Variants in AP1M1 observed in about 807,000 individuals in gnomAD.
AP1M1 encodes adaptor related protein complex 1 subunit mu 1.
In AP1M1, 18 loss-of-function variants were observed where a neutral mutation model predicts 57.1. That is an observed-to-expected ratio of 0.32 (90% CI 0.22 to 0.47). The LOEUF is 0.47. Ranked by LOEUF, AP1M1 falls within the 20% of genes least tolerant of loss-of-function variation. The pLI, the probability that AP1M1 is intolerant of heterozygous loss-of-function variation, is 1.00. For missense variants in AP1M1, 362 were observed against 593.5 expected, an observed-to-expected ratio of 0.61 and a Z score of 4.05; for synonymous variants, 241 against 237.9, an observed-to-expected ratio of 1.01 and a Z score of -0.12.
At chr19:16,214,174 G>A (rs1408348737) in intron 5 of AP1M1, among the ~76,000 whole-genome samples, 38 of 150,224 alleles carry the variant, frequency 2.5e-4, no homozygotes, top group African/African-American at 8.1e-4. Flanking sequence ...TCAGCCTCCC[G>A]AGTAGCTGGG....
chr19:16,215,198 G>GGT (rs2091512789), intron 5 of AP1M1, among the ~76,000 whole-genome samples: 1 of 26,724 alleles, frequency 3.7e-5, no homozygotes, highest in African/African-American at 7.8e-5. Flanking sequence ...CTAAGGCGGG[G>GGT]GCGGGGGGGG....
At chr19:16,213,667 A>G (rs2091505218) in intron 5 of AP1M1, among the ~76,000 whole-genome samples, 1 of 151,872 alleles carries the variant, frequency 6.6e-6, no homozygotes, top group Non-Finnish European at 1.5e-5. Context: ...GCGGTTTTCT[A>G]TTTTTAGTAG....
In AP1M1 at chr19:16,228,775, A is replaced by G. The variant is rs1568355127; in HGVS notation, c.894A>G (p.Lys298=). 6.2e-7 allele frequency: 1 copy of G among 1,613,776 alleles called. No homozygotes were observed. Among genetic ancestry groups the G allele is most frequent in the Admixed American group, 1.7e-5 (1 of 59,994 alleles). ...HSRIEYMIKA[K]SQFKRRSTAN... is the part of the protein sequence containing the mutation. ...CGCATTGGCCTGGCCTGCAGGCCAAAAGCCAGTTCAAGCGGCGGTCAACAG... is the reference window on the plus strand; with the variant it reads ...CGCATTGGCCTGGCCTGCAGGCCAAGAGCCAGTTCAAGCGGCGGTCAACAG... The change falls in exon 9 of 12, where the codon AAA becomes AAG. Residue 298 remains lysine, a synonymous_variant. Coordinates refer to ENST00000291439, the MANE Select transcript of AP1M1 (RefSeq NM_032493.4). The surrounding 1 kb of genome is among the most constrained non-coding windows in gnomAD (Gnocchi z 5.0).
intron 1 of AP1M1, 122 bp downstream of exon 1, chr19:16,198,190 C>A: frequency 9.2e-7 from 1 of 1,086,042 alleles, no homozygotes. Flanking sequence ...GGCAGAGAGG[C>A]CGGTAGACCT....
chr19:16,208,932 C>G, intron 4 of AP1M1, 98 bp from the exon 5 acceptor site: 1 of 1,465,104 alleles, frequency 6.8e-7, no homozygotes, highest in Non-Finnish European at 9.2e-7. Flanking sequence ...CAGAACCTGC[C>G]CTGTACCCCC....
intron 5 of AP1M1, among the ~76,000 whole-genome samples, chr19:16,226,155 G>A (rs1264531538): frequency 6.6e-6 from 1 of 152,206 alleles, no homozygotes; most frequent in Non-Finnish European, 1.5e-5. Flanking sequence ...AGGACCCACA[G>A]TGTCCACCTC....
intron 5 of AP1M1, among the ~76,000 whole-genome samples, chr19:16,216,301 C>T (rs898810505): frequency 5.3e-5 from 8 of 152,114 alleles, no homozygotes; most frequent in Non-Finnish European, 7.4e-5. Flanking sequence ...AAAAATTAGC[C>T]GGGTGTGGTG....
At position 16,222,205 on chromosome 19, in the gene AP1M1, A is replaced by ATTT. The variant is rs1213761084; in HGVS notation, c.547-4214_547-4213insTTT. 6.6e-5 allele frequency among the ~76,000 whole-genome samples: 4 copies of ATTT among 60,408 alleles called. 1 individual carries two copies. Among genetic ancestry groups the ATTT allele is most frequent in the African/African-American group, 1.2e-4 (3 of 24,404 alleles). 39.6% of individuals were successfully genotyped at this position (60,408 alleles called of 152,430 possible). A position where few individuals can be genotyped will look rare whatever the true frequency, so the allele number is the denominator to read the frequency against. On this transcript the variant is annotated intron_variant, in intron 5 of 11. Coordinates refer to ENST00000291439, the MANE Select transcript of AP1M1 (RefSeq NM_032493.4). ...TGTTATTATTATTATTACTATTATT[A>ATTT]TTATTATTTTTTTTTTTTTTGAGAT...
chr19:16,215,204 G>T lies in AP1M1; in HGVS notation c.546+6027G>T, dbSNP rs1296329554. On this transcript the variant is annotated intron_variant, in intron 5 of 11. Transcript: ENST00000291439. ...TTTGGGAGGCTAAGGCGGGGGCGGGGGGGGGGGAGAGGGGGGAGGGGGGAG... is the reference window on the plus strand; with the variant it reads ...TTTGGGAGGCTAAGGCGGGGGCGGGTGGGGGGGAGAGGGGGGAGGGGGGAG... Among the ~76,000 whole-genome samples, 4 of 50,932 alleles carry T rather than the reference G, an allele frequency of 7.9e-5. 2 individuals carry two copies. Among genetic ancestry groups the T allele is most frequent in the East Asian group, 1.4e-3 (2 of 1,422 alleles). The allele number at this position is 50,932 out of a possible 152,430, so 33.4% of individuals were successfully genotyped here. A position where few individuals can be genotyped will look rare whatever the true frequency, so the allele number is the denominator to read the frequency against.
chr19:16,200,775 C>G lies in AP1M1; in HGVS notation c.43-2684C>G, dbSNP rs76183092. 1.9e-3 allele frequency among the ~76,000 whole-genome samples: 294 copies of G among 152,358 alleles called. 1 individual carries two copies. Among genetic ancestry groups the G allele is most frequent in the African/African-American group, 6.9e-3 (285 of 41,584 alleles). ...CTGACACCACTAACCACCTCCTCTT[C>G]AGTGCTCCCTTCCGCTTCCAGGAGG... On this transcript the variant is annotated intron_variant, in intron 1 of 11. Transcript: ENST00000291439.
rs138937677 is a variant in AP1M1, at chr19:16,203,767, C to G, written c.199+152C>G. The stretch of plus-strand genomic sequence containing the variant: ...TGGAGCTCCCTGCTGCCTGCGGAGA[C>G]AGGCAGACAATGCACGATGACATGT... On this transcript the variant is annotated intron_variant, in intron 2 of 11. Transcript: ENST00000291439. The surrounding 1 kb of genome is among the most constrained non-coding windows in gnomAD (Gnocchi z 4.6). 1.2e-5 allele frequency: 9 copies of G among 779,878 alleles called. No individual in the cohort carries two copies. The allele number at this position is 779,878 out of a possible 1,614,324, so 48.3% of individuals were successfully genotyped here.
Position 16,203,628 on chromosome 19 carries a change from T to TG in AP1M1, c.199+18dup. The TG allele has an allele frequency of 6.3e-7, 1 of 1,593,464 alleles. No individual in the cohort carries two copies. Among genetic ancestry groups the TG allele is most frequent in the Middle Eastern group, 1.7e-4 (1 of 5,958 alleles). ...AACAACCTGTATCGTATCCCTTTGC[T>TG]GGGGGTGCTCCCAGGGGACTCCTGT... On this transcript the variant is annotated intron_variant, in intron 2 of 11. Transcript: ENST00000291439. This position sits in a 1 kb window ranked among gnomAD's most constrained non-coding sequence, Gnocchi z 4.6.
At position 16,226,414 on chromosome 19, in the gene AP1M1, C is replaced by T. The variant is rs752268709; in HGVS notation, c.547-7C>T. 6.5e-7 allele frequency: 1 copy of T among 1,528,956 alleles called. No homozygotes were observed. 94.7% of individuals were successfully genotyped at this position (1,528,956 alleles called of 1,614,324 possible). On this transcript the variant is annotated splice_polypyrimidine_tract_variant and splice_region_variant and intron_variant, in intron 5 of 11. Transcript: ENST00000291439. Reference sequence around the variant, plus strand: ...ACCTCCCCTCACGCCCACACCGCCACCCCCAGGTCAGCGCCAACGGCAATG... The same window carrying T: ...ACCTCCCCTCACGCCCACACCGCCATCCCCAGGTCAGCGCCAACGGCAATG...
At chr19:16,204,009 C>T (rs1243390076) in intron 2 of AP1M1, among the ~76,000 whole-genome samples, 1 of 151,910 alleles carries the variant, frequency 6.6e-6, no homozygotes. Flanking sequence ...TGTAGGGCAG[C>T]GAGGCTGGAG....
At position 16,206,324 on chromosome 19, in the gene AP1M1, C is replaced by T; in HGVS notation, c.200-17C>T. The T allele has an allele frequency of 6.2e-7, 1 of 1,613,966 alleles. No homozygotes were observed. The highest frequency in any genetic ancestry group is 8.5e-7 in the Non-Finnish European group (1 of 1,179,884). ...GCCCCAGCCTCTGAATGCTCCTTAACTGTGGCCGCCATGCAGTGGTTGCCA... is the reference window on the plus strand; with the variant it reads ...GCCCCAGCCTCTGAATGCTCCTTAATTGTGGCCGCCATGCAGTGGTTGCCA... On this transcript the variant is annotated splice_polypyrimidine_tract_variant and intron_variant, in intron 2 of 11. Transcript: ENST00000291439. The surrounding 1 kb of genome is among the most constrained non-coding windows in gnomAD (Gnocchi z 4.3).
At chr19:16,223,999 A>G (rs2091557988) in intron 5 of AP1M1, among the ~76,000 whole-genome samples, 1 of 152,202 alleles carries the variant, frequency 6.6e-6, no homozygotes, top group South Asian at 2.1e-4. Context: ...GCAGTGCAGC[A>G]TTGAGCACGC....
Position 16,244,521 on chromosome 19 carries a change from T to A in AP1M1, c.*10086T>A, listed in dbSNP as rs1161478663. The A allele has an allele frequency of 6.6e-6, 1 of 152,014 alleles. No homozygotes were observed. The highest frequency in any genetic ancestry group is 2.4e-5 in the African/African-American group (1 of 41,366). The allele number at this position is 152,014 out of a possible 1,614,324, so 9.4% of individuals were successfully genotyped here. On this transcript the variant is annotated 3_prime_UTR_variant, in exon 12 of 12. Coordinates refer to ENST00000291439, the MANE Select transcript of AP1M1 (RefSeq NM_032493.4). ...AACAGGAAAAAAAGTCTGCAGGGAG[T>A]AAACTGAGTTAAAATGTTCCAAGTT... is the stretch of plus-strand genomic sequence containing the variant.
chr19:16,231,287 C>CAAAAA (rs1231125818), intron 9 of AP1M1, among the ~76,000 whole-genome samples: 4 of 115,152 alleles, frequency 3.5e-5, no homozygotes, highest in African/African-American at 8.6e-5. Flanking sequence ...GACTCTGTCT[C>CAAAAA]AAAAAAAAAA....
chr19:16,212,782 C>G lies in AP1M1; in HGVS notation c.546+3605C>G, dbSNP rs112629140. 3.4e-3 allele frequency among the ~76,000 whole-genome samples: 516 copies of G among 152,294 alleles called. 2 individuals are homozygous for G. The highest frequency in any genetic ancestry group is 0.012 in the African/African-American group (501 of 41,572). ...CTGCCCTAGCCGTGTCCCAGAGATT[C>G]TGGTCTGTTGTATCTTTGTTCTTAT... On this transcript the variant is annotated intron_variant, in intron 5 of 11. Transcript: ENST00000291439.
Sources: gnomAD v4.1 joint callset for allele counts (sites outside exome capture counted in the v4.1 genomes callset) on GRCh38, gnomAD v4.1.1 for gene constraint, Gnocchi (gnomAD v3.1) non-coding constraint, MANE v1.5 for transcripts, NCBI Gene and HGNC (gene_info 2026-07-23, HGNC 2026-07-21) for gene names.